The following GRM5 variants were observed in gnomAD, a reference collection of about 807,000 sequenced individuals.
GRM5 encodes the protein metabotropic glutamate receptor 5.
A neutral mutation model predicts 83.1 loss-of-function variants in GRM5; 19 were observed. The ratio of observed to expected loss-of-function variants is 0.23; its 90% CI spans 0.16 to 0.34. The LOEUF is 0.34. GRM5 is among the 10% of genes least tolerant of loss of function. GRM5 has a pLI of 1.00. For synonymous variants in GRM5, 675 were observed against 633.6 expected (o/e 1.07, Z -0.98); for missense variants, 1,160 against 1,588.3 (o/e 0.73, Z 4.58).
intron 3 of GRM5, among the ~76,000 whole-genome samples, chr11:88,765,261 A>G (rs1365649895): frequency 6.6e-6 from 1 of 151,544 alleles, no homozygotes; most frequent in African/African-American, 2.4e-5. Context: ...CTCCCTACAA[A>G]GAAAAGCCCT....
At chr11:88,924,162 G>A (rs922617782) in intron 2 of GRM5, among the ~76,000 whole-genome samples, 1 of 150,838 alleles carries the variant, frequency 6.6e-6, no homozygotes, top group Admixed American at 6.6e-5. Context: ...AATAATCATT[G>A]TTAGCCAGGG....
At chr11:88,698,995 A>G (rs1312422849) in intron 3 of GRM5, among the ~76,000 whole-genome samples, 3 of 152,164 alleles carry the variant, frequency 2.0e-5, no homozygotes, top group African/African-American at 7.2e-5. Context: ...AGTGGTTACA[A>G]CCTATGAGTA....
chr11:88,564,833 A>AAAATCAAAGCATAGAGAGGTTAAGT (rs1942838166), intron 8 of GRM5, among the ~76,000 whole-genome samples: 2 of 152,180 alleles, frequency 1.3e-5, no homozygotes, highest in African/African-American at 2.4e-5. Flanking sequence ...AGAATGGCAA[A>AAAATCAAAGCATAGAGAGGTTAAGT]GAGCTGGACA....
At chr11:89,043,573 ATTT>A (rs369706887) in intron 2 of GRM5, among the ~76,000 whole-genome samples, 1 of 140,000 alleles carries the variant, frequency 7.1e-6, no homozygotes. Flanking sequence ...AATGCATGTT[ATTT>A]TTTTTTTTTT....
At chr11:88,750,453 C>A (rs1416013074) in intron 3 of GRM5, among the ~76,000 whole-genome samples, 3 of 152,132 alleles carry the variant, frequency 2.0e-5, no homozygotes, top group Non-Finnish European at 4.4e-5. Context: ...TTCTTAGAGA[C>A]CTCCAAAGAG....
intron 1 of GRM5, among the ~76,000 whole-genome samples, chr11:89,063,189 C>G (rs1002620581): frequency 3.3e-5 from 5 of 152,228 alleles, no homozygotes; most frequent in Non-Finnish European, 7.3e-5. Context: ...CGAAACCACG[C>G]GCACCTGGCC....
chr11:88,815,787 C>T (rs1943665883), intron 3 of GRM5, among the ~76,000 whole-genome samples: 1 of 152,174 alleles, frequency 6.6e-6, no homozygotes. Context: ...AATCGGTTCC[C>T]ATACCCACAT....
At chr11:88,992,908 C>CGAATGTAA (rs1457330032) in intron 2 of GRM5, among the ~76,000 whole-genome samples, 1 of 151,332 alleles carries the variant, frequency 6.6e-6, no homozygotes, top group Admixed American at 6.6e-5. Context: ...GAAGATATAC[C>CGAATGTAA]GAATGTAAAT....
intron 3 of GRM5, among the ~76,000 whole-genome samples, chr11:88,757,883 C>T (rs1479322787): frequency 6.6e-6 from 1 of 152,094 alleles, no homozygotes; most frequent in Non-Finnish European, 1.5e-5. Context: ...CTTCCCCAAC[C>T]GCCCACCGAT....
intron 4 of GRM5, among the ~76,000 whole-genome samples, chr11:88,619,843 C>T (rs1938585751): frequency 6.6e-6 from 1 of 152,012 alleles, no homozygotes; most frequent in Non-Finnish European, 1.5e-5. Context: ...GGGAAGGGAT[C>T]CAAGTATTTT....
intron 2 of GRM5, among the ~76,000 whole-genome samples, chr11:88,983,413 G>C (rs1488581825): frequency 6.6e-6 from 1 of 152,152 alleles, no homozygotes; most frequent in East Asian, 1.9e-4. Flanking sequence ...AATCATATAT[G>C]CAAAGGTGAT....
At position 89,015,108 on chromosome 11, in the gene GRM5, A is replaced by C. The variant is rs892513580; in HGVS notation, c.661+32104T>G. On this transcript the variant is annotated intron_variant, in intron 2 of 9. Transcript: ENST00000305447. ...AAAAGGATGTGAGTTTACATATTACATAACTTAATATTTATTTGAACTTGG... is the reference window on the plus strand; with the variant it reads ...AAAAGGATGTGAGTTTACATATTACCTAACTTAATATTTATTTGAACTTGG... Among the ~76,000 whole-genome samples the C allele has an allele frequency of 5.9e-5, 9 of 152,340 alleles. No individual in the cohort carries two copies. The South Asian group carries it at 8.3e-4, about 14-fold the overall frequency.
chr11:88,585,633 G>A (rs923199988), intron 7 of GRM5, among the ~76,000 whole-genome samples: 1 of 151,924 alleles, frequency 6.6e-6, no homozygotes, highest in African/African-American at 2.4e-5. Flanking sequence ...TCCAATTTTT[G>A]CATGCCCACA....
intron 7 of GRM5, among the ~76,000 whole-genome samples, chr11:88,571,158 T>A (rs1942992005): frequency 6.6e-6 from 1 of 152,210 alleles, no homozygotes; most frequent in Admixed American, 6.5e-5. Flanking sequence ...AATTTCTAAA[T>A]ACTTTGCATA....
intron 1 of GRM5, among the ~76,000 whole-genome samples, chr11:89,064,888 C>CTGTGTGTGTGTGTGTGTG (rs71464050): frequency 1.6e-5 from 1 of 62,212 alleles, no homozygotes; most frequent in African/African-American, 6.9e-5. Flanking sequence ...CTCTCTCTCT[C>CTGTGTGTGTGTGTGTGTG]TGTGTGTGTG....
At chr11:88,811,158 TAGA>T (rs1943582664) in intron 3 of GRM5, among the ~76,000 whole-genome samples, 1 of 152,080 alleles carries the variant, frequency 6.6e-6, no homozygotes. Flanking sequence ...GTGGATCACT[TAGA>T]AGGACAACAA....
chr11:88,878,206 TA>T (rs2135569741), intron 2 of GRM5, among the ~76,000 whole-genome samples: 1 of 152,254 alleles, frequency 6.6e-6, no homozygotes, highest in African/African-American at 2.4e-5. Flanking sequence ...GGTGAATTAT[TA>T]AGCAGAACAC....
At chr11:88,827,238 T>G (rs1396179481) in intron 3 of GRM5, among the ~76,000 whole-genome samples, 1 of 152,188 alleles carries the variant, frequency 6.6e-6, no homozygotes, top group African/African-American at 2.4e-5. Flanking sequence ...CTCCTGTAAT[T>G]GCATCACCCT....
intron 2 of GRM5, among the ~76,000 whole-genome samples, chr11:88,936,406 C>T (rs1342632219): frequency 6.6e-6 from 1 of 151,814 alleles, no homozygotes; most frequent in Non-Finnish European, 1.5e-5. Context: ...AGAGGTTTGA[C>T]TATTAGGCCA....
Sources: allele counts gnomAD v4.1 joint callset (sites outside exome capture counted in the v4.1 genomes callset), GRCh38; gene constraint gnomAD v4.1.1; transcripts MANE v1.5; gene names NCBI Gene and HGNC (gene_info 2026-07-23, HGNC 2026-07-21).